SH3BGRL2: variants seen among roughly 807,000 people sequenced by gnomAD.
The protein encoded by SH3BGRL2 is SH3 domain-binding glutamic acid-rich-like protein 2.
A neutral mutation model predicts 14.8 loss-of-function variants in SH3BGRL2; 21 were observed. The ratio of observed to expected loss-of-function variants is 1.42; its 90% CI spans 1.01 to 2.05. The LOEUF (loss-of-function observed/expected upper bound fraction) is 2.05, where lower values mean the gene tolerates loss of function less well. SH3BGRL2 is among the 30% of genes most tolerant of loss of function. SH3BGRL2 has a pLI of 0.00. For missense variants in SH3BGRL2, 147 were observed against 130.8 expected (o/e 1.12, Z -0.61); for synonymous variants, 50 against 47.8 (o/e 1.05, Z -0.19).
At chr6:79,553,570 A>G in the SH3BGRL2 span, among the ~76,000 whole-genome samples, 1 of 152,216 alleles carries the variant, frequency 6.6e-6, no homozygotes, top group African/African-American at 2.4e-5. Flanking sequence ...AGCCCTAATG[A>G]ACAGACACCA....
the SH3BGRL2 span, among the ~76,000 whole-genome samples, chr6:79,579,930 T>A: frequency 6.6e-6 from 1 of 151,818 alleles, no homozygotes; most frequent in Non-Finnish European, 1.5e-5. Flanking sequence ...ACATGTAAGC[T>A]CAAAATAAAG....
chr6:79,672,118 AT>A lies in SH3BGRL2; in HGVS notation c.46-1495del, dbSNP rs1400977865. Among the ~76,000 whole-genome samples the A allele has an allele frequency of 3.3e-5, 5 of 152,350 alleles. No individual in the cohort carries two copies. In the East Asian group the frequency reaches 9.6e-4, roughly 29 times the overall value. Reference sequence around the variant, plus strand: ...GTCACATTGGGAAAACATGATTTGTATAAAACAGGGCATCTCTGTGGTGTGT... The same window carrying A: ...GTCACATTGGGAAAACATGATTTGTAAAAACAGGGCATCTCTGTGGTGTGT... On this transcript the variant is annotated intron_variant, in intron 1 of 3. Transcript: ENST00000369838.
intron 1 of SH3BGRL2, among the ~76,000 whole-genome samples, chr6:79,643,837 G>A (rs1012933815): frequency 7.9e-5 from 12 of 152,286 alleles, no homozygotes; most frequent in East Asian, 1.9e-4. Flanking sequence ...GCAGTGCTCC[G>A]AAGAGACTGT....
chr6:79,663,138 G>A (rs371680142), intron 1 of SH3BGRL2, among the ~76,000 whole-genome samples: 17 of 152,280 alleles, frequency 1.1e-4, no homozygotes, highest in African/African-American at 3.9e-4. Context: ...ACATTCTGAA[G>A]CCTACTTCTG....
At chr6:79,683,169 C>T (rs759786288) in intron 2 of SH3BGRL2, among the ~76,000 whole-genome samples, 3 of 152,014 alleles carry the variant, frequency 2.0e-5, no homozygotes, top group Admixed American at 1.3e-4. Flanking sequence ...GCACGTTGTG[C>T]ACATGTACCC....
intron 1 of SH3BGRL2, among the ~76,000 whole-genome samples, chr6:79,662,434 G>C (rs1178996354): frequency 2.0e-5 from 3 of 152,130 alleles, no homozygotes; most frequent in African/African-American, 4.8e-5. Flanking sequence ...TGAAATTCTG[G>C]GTTGAAAATT....
At chr6:79,673,834 T>C (rs1302075088) in intron 2 of SH3BGRL2, 35 bp downstream of exon 2, 1 of 1,596,172 alleles carries the variant, frequency 6.3e-7, no homozygotes, top group Admixed American at 1.7e-5. Context: ...CTGTTTCTTT[T>C]TATTGTTCAG....
intron 2 of SH3BGRL2, among the ~76,000 whole-genome samples, chr6:79,678,228 G>T (rs142359535): frequency 1.3e-5 from 2 of 151,966 alleles, no homozygotes; most frequent in African/African-American, 4.8e-5. Flanking sequence ...TTACATTGTT[G>T]TGAAACAGAT....
intron 2 of SH3BGRL2, among the ~76,000 whole-genome samples, chr6:79,693,304 C>G (rs865781299): frequency 4.6e-5 from 7 of 151,708 alleles, no homozygotes; most frequent in South Asian, 2.1e-4. Context: ...CATCTGCAAA[C>G]AGGGACAATT....
the SH3BGRL2 span, among the ~76,000 whole-genome samples, chr6:79,583,128 A>G: frequency 9.9e-5 from 15 of 152,162 alleles, no homozygotes; most frequent in Non-Finnish European, 1.8e-4. Context: ...AAAGTCAGGA[A>G]ACAACAGATG....
At chr6:79,593,612 C>T in the SH3BGRL2 span, among the ~76,000 whole-genome samples, 3 of 152,112 alleles carry the variant, frequency 2.0e-5, no homozygotes, top group Non-Finnish European at 2.9e-5. Flanking sequence ...CAATTTCCAT[C>T]CTGGTGTGGG....
chr6:79,672,685 T>C (rs1382086768), intron 1 of SH3BGRL2, among the ~76,000 whole-genome samples: 1 of 152,226 alleles, frequency 6.6e-6, no homozygotes, highest in Non-Finnish European at 1.5e-5. Flanking sequence ...GGTCTTGGAA[T>C]GTATCCCCCA....
At chr6:79,566,327 G>C in the SH3BGRL2 span, among the ~76,000 whole-genome samples, 1 of 152,108 alleles carries the variant, frequency 6.6e-6, no homozygotes, top group Non-Finnish European at 1.5e-5. Context: ...TGGACCTCAA[G>C]TTATACTCAA....
the SH3BGRL2 span, among the ~76,000 whole-genome samples, chr6:79,564,743 A>G: frequency 1.3e-5 from 2 of 152,192 alleles, no homozygotes; most frequent in Non-Finnish European, 2.9e-5. Context: ...TGATAAAATG[A>G]TACATTATGT....
At chr6:79,588,265 T>C in the SH3BGRL2 span, among the ~76,000 whole-genome samples, 1 of 130,784 alleles carries the variant, frequency 7.6e-6, no homozygotes, top group Non-Finnish European at 1.6e-5. Context: ...CACTCCAGCC[T>C]GGGTGACAGA....
At chr6:79,559,417 A>G in the SH3BGRL2 span, among the ~76,000 whole-genome samples, 3 of 152,210 alleles carry the variant, frequency 2.0e-5, no homozygotes, top group African/African-American at 7.2e-5. Context: ...CATTCCAGCC[A>G]GGCATGGATA....
At chr6:79,565,921 C>T in the SH3BGRL2 span, among the ~76,000 whole-genome samples, 2 of 152,190 alleles carry the variant, frequency 1.3e-5, no homozygotes, top group African/African-American at 4.8e-5. Context: ...TCCTTCTATC[C>T]AGCTGATTAT....
At chr6:79,672,279 G>C (rs1380492639) in intron 1 of SH3BGRL2, among the ~76,000 whole-genome samples, 1 of 152,010 alleles carries the variant, frequency 6.6e-6, no homozygotes, top group Non-Finnish European at 1.5e-5. Flanking sequence ...TAAAACTCTT[G>C]CTCCCACTTT....
the SH3BGRL2 span, among the ~76,000 whole-genome samples, chr6:79,619,249 T>C: frequency 6.6e-6 from 1 of 152,300 alleles, no homozygotes; most frequent in African/African-American, 2.4e-5. Flanking sequence ...TTTGATGTTT[T>C]GTTACACATC....
Sources: allele counts gnomAD v4.1 joint callset (sites outside exome capture counted in the v4.1 genomes callset), GRCh38; gene constraint gnomAD v4.1.1; transcripts MANE v1.5; gene names NCBI Gene and HGNC (gene_info 2026-07-23, HGNC 2026-07-21).